EME2: variants seen among roughly 807,000 people sequenced by gnomAD.
The protein encoded by EME2 is structure-specific endonuclease subunit EME2.
EME2 carries 58 observed loss-of-function variants against 41.9 expected under a neutral mutation model. The observed-to-expected ratio is 1.38, with a 90% CI of 1.12 to 1.72. EME2 has a LOEUF of 1.72. Among genes scored for constraint, EME2 ranks in the 40% most tolerant of loss-of-function variants. EME2 has a pLI of 0.00. For synonymous variants in EME2, 334 were observed against 239.3 expected, an observed-to-expected ratio of 1.40 and a Z score of -3.65; for missense variants, 695 against 541.9, an observed-to-expected ratio of 1.28 and a Z score of -2.81.
In EME2 at chr16:1,778,056, CAG is replaced by C. The variant is rs113823403; in HGVS notation, c.*1819_*1820del. ...CGTCCCGATGCCCACCATCTAGGAA[CAG>C]GGGCCAGGCAGAGGGCGCGGGGCTG... On this transcript the variant is annotated 3_prime_UTR_variant, in exon 8 of 8. Transcript: ENST00000568449. 178 of 1,613,164 alleles carry C rather than the reference CAG, an allele frequency of 1.1e-4. 1 individual carries two copies. The Middle Eastern group carries it at 1.3e-3, about 12-fold the overall frequency.
chr16:1,774,137 C>T lies in EME2; in HGVS notation c.385-123C>T, dbSNP rs9924596. On this transcript the variant is annotated intron_variant, in intron 2 of 7. Transcript: ENST00000568449. Reference sequence around the variant, plus strand: ...AAGGGAACACTGGGCTTCTGTAGAGCAGGCCTGTCAGGGCCTGGGCTTGGC... The same window carrying T: ...AAGGGAACACTGGGCTTCTGTAGAGTAGGCCTGTCAGGGCCTGGGCTTGGC... The T allele has an allele frequency of 3.2e-5, 28 of 877,964 alleles. No individual in the cohort carries two copies. The African/African-American group carries it at 4.3e-4, about 13-fold the overall frequency. The allele number at this position is 877,964 out of a possible 1,614,324, so 54.4% of individuals were successfully genotyped here. A position where few individuals can be genotyped will look rare whatever the true frequency, so the allele number is the denominator to read the frequency against.
Position 1,773,148 on chromosome 16 carries a change from C to A in EME2, c.-80C>A. On this transcript the variant is annotated 5_prime_UTR_variant, in exon 1 of 8. Coordinates refer to ENST00000568449, the MANE Select transcript of EME2 (RefSeq NM_001257370.2). ...GGGTCCGCGTCCTCAGCGGTCCGGC[C>A]GGAAGTCACCGGAAGAGGCCGGTGT... 1.4e-6 allele frequency: 2 copies of A among 1,394,584 alleles called. No homozygotes were observed. Among genetic ancestry groups the A allele is most frequent in the Non-Finnish European group, 9.3e-7 (1 of 1,080,286 alleles). 86.4% of individuals were successfully genotyped at this position (1,394,584 alleles called of 1,614,324 possible).
rs768253231 is a variant in EME2 at position 1,775,026 on chromosome 16, C to T, written c.478-15C>T. 1.0e-5 allele frequency: 16 copies of T among 1,601,074 alleles called. No individual in the cohort carries two copies. Among genetic ancestry groups the T allele is most frequent in the Middle Eastern group, 1.7e-4 (1 of 6,050 alleles). ...GCCTCCTGTGAACAACTGTGCCACA[C>T]GTTCTCATCTTCAGATCTCTGGCCC... is the stretch of plus-strand genomic sequence containing the variant. On this transcript the variant is annotated splice_polypyrimidine_tract_variant and intron_variant, in intron 3 of 7. Coordinates refer to ENST00000568449, the MANE Select transcript of EME2 (RefSeq NM_001257370.2).
chr16:1,780,353 C>T lies in EME2; in HGVS notation c.*4115C>T, dbSNP rs890078468. 6.7e-6 allele frequency: 1 copy of T among 148,506 alleles called. No individual in the cohort carries two copies. The highest frequency in any genetic ancestry group is 1.5e-5 in the Non-Finnish European group (1 of 67,264). The allele number at this position is 148,506 out of a possible 1,614,324, so 9.2% of individuals were successfully genotyped here. A position where few individuals can be genotyped will look rare whatever the true frequency, so the allele number is the denominator to read the frequency against. ...AGGAAACCGACTGGGAAATCACCCC[C>T]CACAGGGACCCCCACCCCTCCCAGC... On this transcript the variant is annotated 3_prime_UTR_variant, in exon 8 of 8. Transcript: ENST00000568449.
Position 1,773,103 on chromosome 16 carries a change from A to T in EME2, c.-125A>T. On this transcript the variant is annotated 5_prime_UTR_variant, in exon 1 of 8. Coordinates refer to ENST00000568449, the MANE Select transcript of EME2 (RefSeq NM_001257370.2). Reference sequence around the variant, plus strand: ...CAGCTCCGCGATCAGCCGCGGACGCACCTTCTTCCGCGCCATGGCGGGTCC... The same window carrying T: ...CAGCTCCGCGATCAGCCGCGGACGCTCCTTCTTCCGCGCCATGGCGGGTCC... 7.1e-7 allele frequency: 1 copy of T among 1,399,846 alleles called. No individual in the cohort carries two copies. The highest frequency in any genetic ancestry group is 9.2e-7 in the Non-Finnish European group (1 of 1,082,226). The allele number at this position is 1,399,846 out of a possible 1,614,324, so 86.7% of individuals were successfully genotyped here.
rs1227487248 is a variant in EME2, at chr16:1,776,236, T to C, written c.1138T>C (p.Ter380ArgextTer57). 4 of 1,612,354 alleles carry C rather than the reference T, an allele frequency of 2.5e-6. No homozygotes were observed. The South Asian group carries it at 3.3e-5, about 13-fold the overall frequency. Residue 380 changes from the stop codon to arginine, a stop_lost, in exon 8 of 8, where the codon TGA (stop) becomes CGA (arginine). Transcript: ENST00000568449. Reference sequence around the variant, plus strand: ...TGATCTCCTGCTGGACCTGGGCTCCTGACCACACGTGGGACCACCAGGACA... The same window carrying C: ...TGATCTCCTGCTGGACCTGGGCTCCCGACCACACGTGGGACCACCAGGACA... Reference protein sequence around the residue: ...NPDLLLDLGS* With the variant: ...NPDLLLDLGSR
chr16:1,778,365 G>T lies in EME2; in HGVS notation c.*2127G>T, dbSNP rs201470257. ...CTGGGGCAGCCCTGAGAGCTCCATG[G>T]GGCTCTGCCCTGCCCACCCCCAGGC... On this transcript the variant is annotated 3_prime_UTR_variant, in exon 8 of 8. Transcript: ENST00000568449. The T allele has an allele frequency of 1.7e-5, 27 of 1,610,208 alleles. No homozygotes were observed. In the African/African-American group the frequency reaches 2.8e-4, roughly 17 times the overall value.
chr16:1,778,362 A>T lies in EME2; in HGVS notation c.*2124A>T, dbSNP rs1429199433. 1 of 1,610,478 alleles carries T rather than the reference A, an allele frequency of 6.2e-7. No individual in the cohort carries two copies. ...AGGCTGGGGCAGCCCTGAGAGCTCC[A>T]TGGGGCTCTGCCCTGCCCACCCCCA... On this transcript the variant is annotated 3_prime_UTR_variant, in exon 8 of 8. Transcript: ENST00000568449.
chr16:1,775,185 G>A (rs1220821168), intron 4 of EME2, 53 bp downstream of exon 4: 12 of 1,597,188 alleles, frequency 7.5e-6, no homozygotes, highest in South Asian at 1.1e-5. Flanking sequence ...GGGGTTCAGG[G>A]GAGGTGGGCA....
At position 1,776,340 on chromosome 16, in the gene EME2, G is replaced by A; in HGVS notation, c.*102G>A. 7.8e-7 allele frequency: 1 copy of A among 1,285,378 alleles called. No homozygotes were observed. Among genetic ancestry groups the A allele is most frequent in the South Asian group, 1.3e-5 (1 of 74,376 alleles). 79.6% of individuals were successfully genotyped at this position (1,285,378 alleles called of 1,614,324 possible). On this transcript the variant is annotated 3_prime_UTR_variant, in exon 8 of 8. Transcript: ENST00000568449. ...AGCCACATGTGGACCCTCAGCCTGG[G>A]TGGGTTCTCTGGCTGAGCAGGTCTG...
At position 1,776,449 on chromosome 16, in the gene EME2, G is replaced by A. The variant is rs1211106127; in HGVS notation, c.*211G>A. 1.2e-5 allele frequency: 7 copies of A among 566,132 alleles called. No individual in the cohort carries two copies. The highest frequency in any genetic ancestry group is 7.6e-5 in the African/African-American group (4 of 52,544). 35.1% of individuals were successfully genotyped at this position (566,132 alleles called of 1,614,324 possible). A position where few individuals can be genotyped will look rare whatever the true frequency, so the allele number is the denominator to read the frequency against. On this transcript the variant is annotated 3_prime_UTR_variant, in exon 8 of 8. Coordinates refer to ENST00000568449, the MANE Select transcript of EME2 (RefSeq NM_001257370.2). ...GCTTCTGGCTGGCAGATGGCTGGCGGTTCCTGTGCTGAGTCCTGAACACGT... is the reference window on the plus strand; with the variant it reads ...GCTTCTGGCTGGCAGATGGCTGGCGATTCCTGTGCTGAGTCCTGAACACGT...
chr16:1,776,783 C>T lies in EME2; in HGVS notation c.*545C>T, dbSNP rs2141984919. ...ATGACGGCGGGGCAGCCGCTGACAGCATGCAGAGCAAGTTAGGAAAAACCG... is the reference window on the plus strand; with the variant it reads ...ATGACGGCGGGGCAGCCGCTGACAGTATGCAGAGCAAGTTAGGAAAAACCG... On this transcript the variant is annotated 3_prime_UTR_variant, in exon 8 of 8. Coordinates refer to ENST00000568449, the MANE Select transcript of EME2 (RefSeq NM_001257370.2). 2 of 464,586 alleles carry T rather than the reference C, an allele frequency of 4.3e-6. No homozygotes were observed. Among genetic ancestry groups the T allele is most frequent in the East Asian group, 3.7e-5 (1 of 26,918 alleles). The allele number at this position is 464,586 out of a possible 1,614,324, so 28.8% of individuals were successfully genotyped here.
Position 1,780,958 on chromosome 16 carries a change from C to T in EME2, c.*4720C>T, listed in dbSNP as rs553901373. On this transcript the variant is annotated 3_prime_UTR_variant, in exon 8 of 8. Coordinates refer to ENST00000568449, the MANE Select transcript of EME2 (RefSeq NM_001257370.2). ...ATGTTGCCCAGGCAGGTCTCAAACT[C>T]CTGGGCTCAAGTGGTCCTCCAGCTT... The T allele has an allele frequency of 3.4e-5, 12 of 356,696 alleles. No homozygotes were observed. Among genetic ancestry groups the T allele is most frequent in the African/African-American group, 2.6e-4 (12 of 46,966 alleles). The allele number at this position is 356,696 out of a possible 1,614,324, so 22.1% of individuals were successfully genotyped here.
rs937598431 is a variant in EME2 at position 1,781,317 on chromosome 16, A to G, written c.*5079A>G. ...GCCTGCCTGCCTAGGGCATCTCCAC[A>G]CCTTAGGCCAGCCACGTCCGCCTCG... On this transcript the variant is annotated 3_prime_UTR_variant, in exon 8 of 8. Transcript: ENST00000568449. 1.2e-6 allele frequency: 2 copies of G among 1,612,460 alleles called. No homozygotes were observed. The highest frequency in any genetic ancestry group is 4.5e-5 in the East Asian group (2 of 44,872).
chr16:1,775,292 G>A lies in EME2; in HGVS notation c.570-23G>A, dbSNP rs530913047. Reference sequence around the variant, plus strand: ...CAGGGCAGGCCCCATGGGGAGCGGGGAGGAATGGTCACCTCTGCTCAGGTC... The same window carrying A: ...CAGGGCAGGCCCCATGGGGAGCGGGAAGGAATGGTCACCTCTGCTCAGGTC... On this transcript the variant is annotated intron_variant, in intron 4 of 7. Transcript: ENST00000568449. 146 of 1,608,894 alleles carry A rather than the reference G, an allele frequency of 9.1e-5. 1 individual carries two copies. The South Asian group carries it at 1.1e-3, about 12-fold the overall frequency.
Position 1,780,875 on chromosome 16 carries a change from G to A in EME2, c.*4637G>A, listed in dbSNP as rs181888547. The stretch of plus-strand genomic sequence containing the variant: ...AGCCTCCTGAGTCGTTGGGACTACA[G>A]GCACGTGCCACCACGCCTGACACAT... On this transcript the variant is annotated 3_prime_UTR_variant, in exon 8 of 8. Transcript: ENST00000568449. 1.5e-4 allele frequency: 48 copies of A among 329,864 alleles called. No individual in the cohort carries two copies. Among genetic ancestry groups the A allele is most frequent in the African/African-American group, 1.0e-3 (48 of 46,320 alleles). The allele number at this position is 329,864 out of a possible 1,614,324, so 20.4% of individuals were successfully genotyped here.
In EME2 at chr16:1,774,290, C is replaced by T. The variant is rs1215605939; in HGVS notation, c.415C>T (p.Gln139Ter). 3 of 1,612,702 alleles carry T rather than the reference C, an allele frequency of 1.9e-6. No individual in the cohort carries two copies. Among genetic ancestry groups the T allele is most frequent in the Admixed American group, 1.7e-5 (1 of 60,006 alleles). ...TCCTGAAGTGTGGGCTGCAGGTGAA[C>T]AGGAATTGCTGCTGCTGCTGGAGCC... ...LPPEVWAAGE[Q>*]ELLLLLEPEE... is the part of the protein sequence containing the mutation. Residue 139 changes from glutamine to a stop codon, truncating the protein, a stop_gained, in exon 3 of 8, where the codon CAG becomes TAG. Coordinates refer to ENST00000568449, the MANE Select transcript of EME2 (RefSeq NM_001257370.2). LOFTEE classifies it high-confidence loss of function.
In EME2 at chr16:1,773,085, G is replaced by A. The variant is rs1190633418; in HGVS notation, c.-143G>A. On this transcript the variant is annotated 5_prime_UTR_variant, in exon 1 of 8. Coordinates refer to ENST00000568449, the MANE Select transcript of EME2 (RefSeq NM_001257370.2). Reference sequence around the variant, plus strand: ...GGCGCGCACGCGGCGGGCCAGCTCCGCGATCAGCCGCGGACGCACCTTCTT... The same window carrying A: ...GGCGCGCACGCGGCGGGCCAGCTCCACGATCAGCCGCGGACGCACCTTCTT... The A allele has an allele frequency of 1.4e-6, 2 of 1,408,214 alleles. No homozygotes were observed. Among genetic ancestry groups the A allele is most frequent in the South Asian group, 1.6e-5 (1 of 63,418 alleles). 87.2% of individuals were successfully genotyped at this position (1,408,214 alleles called of 1,614,324 possible). A position where few individuals can be genotyped will look rare whatever the true frequency, so the allele number is the denominator to read the frequency against.
rs1316756487 is a variant in EME2 at position 1,772,886 on chromosome 16, G to T, written c.-342G>T. On this transcript the variant is annotated 5_prime_UTR_variant, in exon 1 of 8. Transcript: ENST00000568449. The stretch of plus-strand genomic sequence containing the variant: ...ACAGCCAGGACTTGCGCGTGACCAG[G>T]CGGCCCAGGCCGAAGAGCGGGAGGC... The T allele has an allele frequency of 2.1e-6, 3 of 1,453,930 alleles. No homozygotes were observed. The East Asian group carries it at 7.8e-5, about 38-fold the overall frequency. The allele number at this position is 1,453,930 out of a possible 1,614,324, so 90.1% of individuals were successfully genotyped here. A position where few individuals can be genotyped will look rare whatever the true frequency, so the allele number is the denominator to read the frequency against.
Sources: allele counts gnomAD v4.1 joint callset, GRCh38; gene constraint gnomAD v4.1.1; transcripts MANE v1.5; gene names NCBI Gene and HGNC (gene_info 2026-07-23, HGNC 2026-07-21).